HYCC2: variants seen among roughly 807,000 people sequenced by gnomAD.
HYCC2 encodes hyccin PI4KA lipid kinase complex subunit 2.
chr2:201,012,461 A>AAAAC, the HYCC2 span, among the ~76,000 whole-genome samples: 2 of 152,130 alleles, frequency 1.3e-5, no homozygotes, highest in African/African-American at 4.8e-5. Context: ...CCCTGTCTCA[A>AAAAC]AAACAAACAA....
the HYCC2 span, among the ~76,000 whole-genome samples, chr2:201,024,342 A>C: frequency 6.6e-6 from 1 of 152,036 alleles, no homozygotes; most frequent in African/African-American, 2.4e-5. Flanking sequence ...CAAGAAAATT[A>C]GCTGGGCATG....
the HYCC2 span, among the ~76,000 whole-genome samples, chr2:201,046,362 C>A: frequency 0.011 from 1,719 of 152,230 alleles, 17 homozygotes; most frequent in Non-Finnish European, 0.017. Flanking sequence ...CAGCAGCTGA[C>A]ACTTTATCTC....
chr2:200,974,772 A>T, the HYCC2 span: 1 of 152,032 alleles, frequency 6.6e-6, no homozygotes, highest in African/African-American at 2.4e-5. Context: ...CTTTTGAAAT[A>T]AATCATTTAG....
At chr2:201,019,043 A>G in the HYCC2 span, among the ~76,000 whole-genome samples, 8 of 152,208 alleles carry the variant, frequency 5.3e-5, no homozygotes, top group African/African-American at 1.9e-4. Flanking sequence ...CCAATAATGA[A>G]CAAGTAATAA....
chr2:201,046,423 T>TG, the HYCC2 span, among the ~76,000 whole-genome samples: 117 of 151,904 alleles, frequency 7.7e-4, 1 homozygote, highest in Middle Eastern at 3.4e-3. Flanking sequence ...GGTTCTGCAG[T>TG]GGGGGGGAAG....
chr2:201,049,201 A>G, the HYCC2 span, among the ~76,000 whole-genome samples: 1 of 152,124 alleles, frequency 6.6e-6, no homozygotes. Context: ...AAGCCATAAT[A>G]ATAGTTGGAG....
At chr2:201,007,351 C>T in the HYCC2 span, among the ~76,000 whole-genome samples, 2 of 152,170 alleles carry the variant, frequency 1.3e-5, no homozygotes, top group Non-Finnish European at 2.9e-5. Flanking sequence ...ATTAGCCCTA[C>T]AGCTGGGCAA....
the HYCC2 span, chr2:201,066,695 T>A: frequency 1.9e-4 from 29 of 152,390 alleles, no homozygotes; most frequent in African/African-American, 7.0e-4. Context: ...CACAAGATAG[T>A]GCCGAAGGCG....
the HYCC2 span, among the ~76,000 whole-genome samples, chr2:201,016,184 G>C: frequency 6.6e-6 from 1 of 151,240 alleles, no homozygotes; most frequent in Non-Finnish European, 1.5e-5. Context: ...AATTATAGTA[G>C]TTTTACATAC....
the HYCC2 span, among the ~76,000 whole-genome samples, chr2:201,041,423 C>T: frequency 1.3e-5 from 2 of 152,230 alleles, no homozygotes; most frequent in African/African-American, 4.8e-5. Context: ...TTTACGTGCA[C>T]CTTAACTCCA....
At chr2:201,004,584 C>A in the HYCC2 span, among the ~76,000 whole-genome samples, 1 of 152,184 alleles carries the variant, frequency 6.6e-6, no homozygotes, top group Admixed American at 6.5e-5. Flanking sequence ...TGGGTCCTGA[C>A]AGGAACAGAC....
the HYCC2 span, among the ~76,000 whole-genome samples, chr2:200,983,694 C>T: frequency 6.6e-6 from 1 of 152,026 alleles, no homozygotes; most frequent in African/African-American, 2.4e-5. Flanking sequence ...AATTTACTTA[C>T]AATTAGTATA....
At chr2:201,005,959 G>A in the HYCC2 span, among the ~76,000 whole-genome samples, 1 of 151,628 alleles carries the variant, frequency 6.6e-6, no homozygotes, top group African/African-American at 2.4e-5. Context: ...TCAGCCTCCT[G>A]AGTAGCTGGG....
chr2:201,028,165 C>G, the HYCC2 span, among the ~76,000 whole-genome samples: 2 of 152,112 alleles, frequency 1.3e-5, no homozygotes, highest in African/African-American at 4.8e-5. Flanking sequence ...TTCCTGTACA[C>G]CAATAACAAA....
chr2:201,034,984 T>C, the HYCC2 span, among the ~76,000 whole-genome samples: 3 of 152,246 alleles, frequency 2.0e-5, no homozygotes, highest in Admixed American at 2.0e-4. Flanking sequence ...GTTAGTCTGA[T>C]GGGCTTCCCT....
At chr2:201,032,689 C>A in the HYCC2 span, among the ~76,000 whole-genome samples, 1 of 152,012 alleles carries the variant, frequency 6.6e-6, no homozygotes, top group Non-Finnish European at 1.5e-5. Context: ...AGAGACAGGT[C>A]TCTGTCACCT....
the HYCC2 span, among the ~76,000 whole-genome samples, chr2:201,034,188 C>A: frequency 6.6e-6 from 1 of 152,082 alleles, no homozygotes; most frequent in East Asian, 1.9e-4. Context: ...TATAAAAATA[C>A]TACTAGTTTT....
the HYCC2 span, chr2:201,063,040 T>C: frequency 6.2e-7 from 1 of 1,603,298 alleles, no homozygotes; most frequent in Non-Finnish European, 8.5e-7. Context: ...TTTCTGCCCG[T>C]GGACGCCGCC....
the HYCC2 span, among the ~76,000 whole-genome samples, chr2:200,984,942 A>AT: frequency 4.6e-5 from 7 of 152,282 alleles, no homozygotes; most frequent in Admixed American, 3.3e-4. Context: ...GCAAGACCCC[A>AT]TCTCTACAAA....
Sources: allele counts gnomAD v4.1 joint callset (sites outside exome capture counted in the v4.1 genomes callset), GRCh38; gene constraint gnomAD v4.1.1; transcripts MANE v1.5; gene names NCBI Gene and HGNC (gene_info 2026-07-23, HGNC 2026-07-21).